Variants in UPRT observed in about 807,000 individuals in gnomAD.
The protein encoded by UPRT is RP11-311P8.3.
In UPRT, 5 loss-of-function variants were observed where a neutral mutation model predicts 22.6. The ratio of observed to expected loss-of-function variants is 0.22; its 90% CI spans 0.12 to 0.47. The LOEUF (loss-of-function observed/expected upper bound fraction) is 0.47. Ranked by LOEUF, UPRT falls within the 20% of genes least tolerant of loss-of-function variation. The probability of loss-of-function intolerance (pLI) is 0.99; values close to 1 mark genes in which losing one functional copy is unlikely to be tolerated. For missense variants in UPRT, 181 were observed against 239.9 expected, an observed-to-expected ratio of 0.75 and a Z score of 1.62; for synonymous variants, 77 against 87.7, an observed-to-expected ratio of 0.88 and a Z score of 0.68.
chrX:75,243,907 C>T (rs1569272752), intron 4 of UPRT, among the ~76,000 whole-genome samples: 2 of 111,530 alleles, frequency 1.8e-5, no homozygotes. Flanking sequence ...GCAAAGTAGC[C>T]ATTCAATTGT....
chrX:75,228,918 T>C (rs754314188), intron 4 of UPRT, among the ~76,000 whole-genome samples: 16 of 112,203 alleles, frequency 1.4e-4, no homozygotes, highest in African/African-American at 5.2e-4. Flanking sequence ...AGAAAAAAGA[T>C]ACTGTGTCAT....
At chrX:75,218,761 C>A (rs1172823856) in intron 4 of UPRT, among the ~76,000 whole-genome samples, 1 of 103,525 alleles carries the variant, frequency 9.7e-6, no homozygotes, top group Non-Finnish European at 2.0e-5. Context: ...AATTGGAAAT[C>A]ATCATTCTCA....
At chrX:75,194,274 G>A (rs1164867600) in intron 4 of UPRT, among the ~76,000 whole-genome samples, 1 of 111,900 alleles carries the variant, frequency 8.9e-6, no homozygotes, top group Non-Finnish European at 1.9e-5. Context: ...ACTCTTAGGA[G>A]TGGGTATCAT....
At chrX:75,255,761 C>G (rs1009811979) in intron 4 of UPRT, among the ~76,000 whole-genome samples, 2 of 111,817 alleles carry the variant, frequency 1.8e-5, no homozygotes, top group African/African-American at 6.5e-5. Context: ...TTAATAAAGA[C>G]AAAGAGGGAA....
intron 4 of UPRT, among the ~76,000 whole-genome samples, chrX:75,224,175 GCTTTA>G (rs2082417576): frequency 9.0e-6 from 1 of 110,919 alleles, no homozygotes; most frequent in African/African-American, 3.3e-5. Context: ...CTCTAATCAC[GCTTTA>G]CTTTAGTTCT....
intron 4 of UPRT, among the ~76,000 whole-genome samples, chrX:75,241,313 C>G (rs1256199120): frequency 9.0e-6 from 1 of 111,098 alleles, no homozygotes; most frequent in Non-Finnish European, 1.9e-5. Flanking sequence ...GTCTAGCAAA[C>G]AGGAAAAAAA....
chrX:75,174,273 C>T (rs1003524512), intron 4 of UPRT, among the ~76,000 whole-genome samples: 1 of 111,881 alleles, frequency 8.9e-6, no homozygotes, highest in Admixed American at 9.4e-5. Context: ...GTTGTAGTGT[C>T]CTTCAGAGGA....
chrX:75,290,175 A>G (rs952141952), intron 1 of UPRT, among the ~76,000 whole-genome samples: 7 of 112,232 alleles, frequency 6.2e-5, no homozygotes, highest in Non-Finnish European at 9.4e-5. Context: ...AAGAAGACAT[A>G]CAAACAGCCA....
chrX:75,261,767 C>T (rs1371271886), intron 4 of UPRT, among the ~76,000 whole-genome samples: 1 of 111,252 alleles, frequency 9.0e-6, no homozygotes, highest in Non-Finnish European at 1.9e-5. Flanking sequence ...ATGCGAAAAT[C>T]CTCAATAAAA....
At chrX:75,225,316 C>G (rs1285398059) in intron 4 of UPRT, among the ~76,000 whole-genome samples, 1 of 73,460 alleles carries the variant, frequency 1.4e-5, no homozygotes, top group Non-Finnish European at 2.6e-5. Context: ...AAAACCAAAA[C>G]CAAAAACCAC....
chrX:75,290,679 G>T (rs1212061601), intron 1 of UPRT, among the ~76,000 whole-genome samples: 18 of 111,412 alleles, frequency 1.6e-4, no homozygotes, highest in African/African-American at 5.5e-4. Flanking sequence ...ATTATCCTAA[G>T]TGAATTAATG....
intron 4 of UPRT, among the ~76,000 whole-genome samples, chrX:75,241,977 G>A (rs1360827742): frequency 9.0e-6 from 1 of 110,609 alleles, no homozygotes; most frequent in Non-Finnish European, 1.9e-5. Flanking sequence ...AGTGTGCACT[G>A]CTTGGGTGAT....
At chrX:75,293,763 G>C (rs2082716272) in intron 2 of UPRT, among the ~76,000 whole-genome samples, 1 of 111,519 alleles carries the variant, frequency 9.0e-6, no homozygotes, top group Non-Finnish European at 1.9e-5. Context: ...CTCTCAAATG[G>C]ATCTTGGTAA....
At chrX:75,252,817 A>G (rs1426359219) in intron 4 of UPRT, among the ~76,000 whole-genome samples, 4 of 112,487 alleles carry the variant, frequency 3.6e-5, no homozygotes, top group African/African-American at 1.3e-4. Flanking sequence ...GATAGACTAG[A>G]TTAAGAAAAT....
intron 4 of UPRT, among the ~76,000 whole-genome samples, chrX:75,183,654 T>C (rs1276087888): frequency 8.9e-6 from 1 of 111,937 alleles, no homozygotes; most frequent in Non-Finnish European, 1.9e-5. Flanking sequence ...GTAAAAGTGC[T>C]CCTATTTCTC....
intron 4 of UPRT, among the ~76,000 whole-genome samples, chrX:75,202,159 A>G (rs956798907): frequency 6.3e-5 from 7 of 111,649 alleles, no homozygotes; most frequent in Admixed American, 4.8e-4. Flanking sequence ...AATAATATCA[A>G]TATGTTCATA....
intron 4 of UPRT, among the ~76,000 whole-genome samples, chrX:75,190,065 C>T (rs1171319103): frequency 8.9e-6 from 1 of 111,977 alleles, no homozygotes; most frequent in Non-Finnish European, 1.9e-5. Context: ...GTAGTTTCTT[C>T]CTAGCATCGA....
At chrX:75,168,623 G>A (rs950710373) in intron 4 of UPRT, among the ~76,000 whole-genome samples, 6 of 110,833 alleles carry the variant, frequency 5.4e-5, no homozygotes, top group Non-Finnish European at 9.5e-5. Flanking sequence ...TCCGCCTCCC[G>A]GGTTCAAGTG....
In UPRT at chrX:75,304,657, T is replaced by C. The variant is rs894097578; in HGVS notation, c.*1146T>C. The C allele has an allele frequency of 7.2e-5, 8 of 111,233 alleles. No individual in the cohort carries two copies. Among genetic ancestry groups the C allele is most frequent in the African/African-American group, 2.6e-4 (8 of 30,586 alleles). The allele number at this position is 111,233 out of a possible 1,213,427, so 9.2% of individuals were successfully genotyped here. A position where few individuals can be genotyped will look rare whatever the true frequency, so the allele number is the denominator to read the frequency against. On this transcript the variant is annotated 3_prime_UTR_variant, in exon 7 of 7. Transcript: ENST00000373383. ...CCCATGGCCCCATAGGAAGCTGTTG[T>C]GGGCCTCTGTTCAAAAGCACAGAAA...
Sources: gnomAD v4.1 joint callset for allele counts (sites outside exome capture counted in the v4.1 genomes callset) on GRCh38, gnomAD v4.1.1 for gene constraint, MANE v1.5 for transcripts, NCBI Gene and HGNC (gene_info 2026-07-23, HGNC 2026-07-21) for gene names.